The following SETD3 variants were observed in gnomAD, a reference collection of about 807,000 sequenced individuals.
The protein encoded by SETD3 is SET domain containing 3, actin N3(tau)-histidine methyltransferase.
SETD3 carries 19 observed loss-of-function variants against 63.0 expected under a neutral mutation model. That is an observed-to-expected ratio of 0.30 (90% CI 0.21 to 0.44). The LOEUF is 0.44. SETD3 is among the 20% of genes least tolerant of loss of function. The pLI is 1.00. For missense variants in SETD3, 587 were observed against 728.5 expected, an observed-to-expected ratio of 0.81 and a Z score of 2.24; for synonymous variants, 286 against 264.1, an observed-to-expected ratio of 1.08 and a Z score of -0.80.
chr14:99,461,027 A>T (rs980834663), intron 4 of SETD3, among the ~76,000 whole-genome samples, 165 bp downstream of exon 4: 1 of 152,126 alleles, frequency 6.6e-6, no homozygotes, highest in Non-Finnish European at 1.5e-5. Flanking sequence ...AGGTGGGAGG[A>T]GCTGCTTAGA....
intron 6 of SETD3, among the ~76,000 whole-genome samples, chr14:99,417,756 T>C (rs1020627815): frequency 6.6e-6 from 1 of 152,258 alleles, no homozygotes; most frequent in African/African-American, 2.4e-5. Flanking sequence ...ACATTTGCGT[T>C]AAGGTTTTTT....
chr14:99,399,989 C>A, intron 12 of SETD3, 110 bp downstream of exon 12: 2 of 979,228 alleles, frequency 2.0e-6, no homozygotes, highest in Non-Finnish European at 1.5e-6. Context: ...ATCCGCCCCG[C>A]CTCGACCTCC....
At chr14:99,437,012 G>A (rs1893520843) in intron 6 of SETD3, among the ~76,000 whole-genome samples, 2 of 152,200 alleles carry the variant, frequency 1.3e-5, no homozygotes, top group Admixed American at 6.5e-5. Context: ...GCACAGTACC[G>A]TGGATAGAGA....
intron 6 of SETD3, among the ~76,000 whole-genome samples, chr14:99,428,520 C>T (rs1405498385): frequency 6.6e-6 from 1 of 152,100 alleles, no homozygotes; most frequent in African/African-American, 2.4e-5. Context: ...GTGGCACACA[C>T]CTGTAGTCCC....
intron 6 of SETD3, among the ~76,000 whole-genome samples, chr14:99,452,848 G>T (rs867214628): frequency 5.1e-4 from 77 of 152,232 alleles, no homozygotes; most frequent in East Asian, 1.2e-3. Context: ...GGCAGATCGC[G>T]GGGGGAGAAA....
rs138066518 is a variant in SETD3 at position 99,451,866 on chromosome 14, G to T, written c.675+6413C>A. ...AAATTCCTGCAGCGTGAGGCTTCTGGTTACACACTATTATCTGTTGAACAC... is the reference window on the plus strand; with the variant it reads ...AAATTCCTGCAGCGTGAGGCTTCTGTTTACACACTATTATCTGTTGAACAC... On this transcript the variant is annotated intron_variant, in intron 6 of 12. Coordinates refer to ENST00000331768, the MANE Select transcript of SETD3 (RefSeq NM_032233.3). 9.7e-4 allele frequency among the ~76,000 whole-genome samples: 147 copies of T among 152,070 alleles called. 1 individual carries two copies. Among genetic ancestry groups the T allele is most frequent in the African/African-American group, 3.4e-3 (141 of 41,468 alleles).
chr14:99,482,009 G>T (rs895461152), upstream of SETD3, among the ~76,000 whole-genome samples: 1 of 152,176 alleles, frequency 6.6e-6, no homozygotes, highest in Non-Finnish European at 1.5e-5. Context: ...CCCAGACATC[G>T]TCTTTACGGA....
At chr14:99,457,331 T>C (rs1168898263) in intron 6 of SETD3, among the ~76,000 whole-genome samples, 2 of 152,242 alleles carry the variant, frequency 1.3e-5, no homozygotes, top group Admixed American at 6.5e-5. Flanking sequence ...TTTGAAGTGC[T>C]TGCTGGAGGA....
chr14:99,432,971 G>A (rs1164363962), intron 6 of SETD3, among the ~76,000 whole-genome samples: 3 of 152,152 alleles, frequency 2.0e-5, no homozygotes, highest in African/African-American at 7.2e-5. Context: ...TGATAAATTA[G>A]ACTTTGTTAA....
intron 11 of SETD3, among the ~76,000 whole-genome samples, chr14:99,401,516 T>G (rs1891387426): frequency 6.6e-6 from 1 of 152,200 alleles, no homozygotes; most frequent in Non-Finnish European, 1.5e-5. Flanking sequence ...ATACAGCAAT[T>G]GTCTTGACAT....
At chr14:99,447,498 A>G (rs1405287009) in intron 6 of SETD3, among the ~76,000 whole-genome samples, 2 of 152,260 alleles carry the variant, frequency 1.3e-5, no homozygotes, top group African/African-American at 4.8e-5. Flanking sequence ...AATTTACAAA[A>G]TTGGAAACCT....
At chr14:99,446,318 G>A (rs181330587) in intron 6 of SETD3, among the ~76,000 whole-genome samples, 3 of 152,294 alleles carry the variant, frequency 2.0e-5, no homozygotes, top group Admixed American at 1.3e-4. Flanking sequence ...CAAATTAAAC[G>A]ATCAATGACA....
upstream of SETD3, among the ~76,000 whole-genome samples, chr14:99,485,647 C>T (rs367607593): frequency 8.8e-4 from 134 of 152,270 alleles, 1 homozygote; most frequent in South Asian, 0.011. Context: ...AATAACAAAA[C>T]CTACTCCCTA....
At chr14:99,470,075 C>A (rs144853147) in intron 1 of SETD3, among the ~76,000 whole-genome samples, 1 of 152,326 alleles carries the variant, frequency 6.6e-6, no homozygotes, top group African/African-American at 2.4e-5. Flanking sequence ...TTTTACATGT[C>A]CAGCTTCATC....
At chr14:99,460,187 A>G (rs1224866123) in intron 4 of SETD3, among the ~76,000 whole-genome samples, 1 of 152,208 alleles carries the variant, frequency 6.6e-6, no homozygotes, top group Non-Finnish European at 1.5e-5. Context: ...AGATACTACC[A>G]TTCACACAGT....
intron 6 of SETD3, among the ~76,000 whole-genome samples, chr14:99,452,295 C>T (rs963779960): frequency 6.6e-6 from 1 of 152,174 alleles, no homozygotes. Flanking sequence ...TCAGTAGAGA[C>T]GAGGTTTCAC....
chr14:99,464,986 A>T (rs1484519293), intron 2 of SETD3, among the ~76,000 whole-genome samples: 1 of 152,170 alleles, frequency 6.6e-6, no homozygotes, highest in Non-Finnish European at 1.5e-5. Context: ...CTACAAAAAA[A>T]TTAGCTGGGC....
intron 6 of SETD3, among the ~76,000 whole-genome samples, chr14:99,436,152 T>C (rs1893468800): frequency 6.6e-6 from 1 of 152,106 alleles, no homozygotes; most frequent in African/African-American, 2.4e-5. Context: ...ATGATTCACC[T>C]GCCTCCGCTT....
At position 99,443,531 on chromosome 14, in the gene SETD3, C is replaced by T. The variant is rs187212889; in HGVS notation, c.675+14748G>A. ...CCTCCCAAAGTGCTGGGATTACAGG[C>T]GTGAGCCACTGTGCCTGGTCCCATG... On this transcript the variant is annotated intron_variant, in intron 6 of 12. Transcript: ENST00000331768. 5.6e-3 allele frequency among the ~76,000 whole-genome samples: 856 copies of T among 152,246 alleles called. 6 individuals are homozygous for T. Among genetic ancestry groups the T allele is most frequent in the African/African-American group, 0.019 (794 of 41,532 alleles).
Sources: allele counts gnomAD v4.1 joint callset (sites outside exome capture counted in the v4.1 genomes callset), GRCh38; gene constraint gnomAD v4.1.1; transcripts MANE v1.5; gene names NCBI Gene and HGNC (gene_info 2026-07-23, HGNC 2026-07-21).